Variants in DGKB observed in about 807,000 individuals in gnomAD.
The protein encoded by DGKB is diacylglycerol kinase beta, also known as 90 kDa diacylglycerol kinase.
Under a neutral mutation model 114.3 loss-of-function variants are expected in DGKB, and 67 were observed. The observed-to-expected ratio is 0.59, with a 90% CI of 0.48 to 0.72. The LOEUF (loss-of-function observed/expected upper bound fraction) is 0.72, where lower values mean the gene tolerates loss of function less well. Among genes scored for constraint, DGKB ranks in the 30% least tolerant of loss-of-function variants. The probability of loss-of-function intolerance (pLI) is 0.00; values close to 1 mark genes in which losing one functional copy is unlikely to be tolerated. For missense variants in DGKB, 907 were observed against 975.2 expected, an observed-to-expected ratio of 0.93 and a Z score of 0.93; for synonymous variants, 398 against 323.1, an observed-to-expected ratio of 1.23 and a Z score of -2.49.
chr7:14,762,375 T>A (rs1027888043), intron 2 of DGKB, among the ~76,000 whole-genome samples: 1 of 152,150 alleles, frequency 6.6e-6, no homozygotes, highest in Non-Finnish European at 1.5e-5. Flanking sequence ...CTGAGTCATG[T>A]AATAAACAAT....
chr7:14,201,198 G>T (rs185657027), intron 23 of DGKB, among the ~76,000 whole-genome samples: 473 of 152,034 alleles, frequency 3.1e-3, no homozygotes, highest in African/African-American at 0.011. Context: ...AGGATGGAAG[G>T]CTTGAGGGAT....
At chr7:14,844,352 G>C (rs1388953402) in intron 1 of DGKB, among the ~76,000 whole-genome samples, 1 of 152,204 alleles carries the variant, frequency 6.6e-6, no homozygotes, top group Non-Finnish European at 1.5e-5. Context: ...AAACTAGACA[G>C]GGGTAAGCAA....
chr7:14,193,970 G>A (rs1305692107), intron 23 of DGKB, among the ~76,000 whole-genome samples: 2 of 152,028 alleles, frequency 1.3e-5, no homozygotes, highest in Admixed American at 6.6e-5. Context: ...TAATCATAAA[G>A]GAAATGTAAA....
intron 23 of DGKB, among the ~76,000 whole-genome samples, chr7:14,281,187 C>T (rs1310769858): frequency 6.6e-6 from 1 of 151,200 alleles, no homozygotes; most frequent in Non-Finnish European, 1.5e-5. Flanking sequence ...AAATGGAGAA[C>T]AAAAACAGGC....
At chr7:14,895,528 C>A (rs1781958313) in intron 1 of DGKB, among the ~76,000 whole-genome samples, 1 of 151,584 alleles carries the variant, frequency 6.6e-6, no homozygotes, top group Non-Finnish European at 1.5e-5. Flanking sequence ...CCTTTCACAG[C>A]ACTATTACAA....
Position 14,147,904 on chromosome 7 carries a change from T to C in DGKB, c.*1227A>G, listed in dbSNP as rs1190071317. The C allele has an allele frequency of 6.6e-6, 1 of 152,132 alleles. No homozygotes were observed. Among genetic ancestry groups the C allele is most frequent in the Non-Finnish European group, 1.5e-5 (1 of 67,968 alleles). 9.4% of individuals were successfully genotyped at this position (152,132 alleles called of 1,614,324 possible). On this transcript the variant is annotated 3_prime_UTR_variant, in exon 26 of 26. Transcript: ENST00000402815. ...AGTGATCTAGGCTGTTGTTTCCAAA[T>C]AAACATTTGAAATGTCATAAAGATG...
intron 1 of DGKB, among the ~76,000 whole-genome samples, chr7:14,892,249 T>A (rs1413839880): frequency 1.3e-5 from 2 of 151,248 alleles, no homozygotes. Context: ...ATGGAGGCAA[T>A]GCCCAGTGGA....
intron 13 of DGKB, among the ~76,000 whole-genome samples, chr7:14,635,871 G>A (rs1810658131): frequency 6.6e-6 from 1 of 151,472 alleles, no homozygotes; most frequent in African/African-American, 2.4e-5. Context: ...AAAAACGAGA[G>A]CCAGTTCTAG....
intron 5 of DGKB, among the ~76,000 whole-genome samples, chr7:14,720,822 C>A (rs2128357316): frequency 2.1e-5 from 3 of 145,876 alleles, no homozygotes; most frequent in African/African-American, 7.6e-5. Context: ...CCAAAGAAGG[C>A]AGGGAATTGA....
rs369698915 is a variant in DGKB, at chr7:14,450,050, TATG to T, written c.1835+28108_1835+28110del. ...AGGCGACAGGAACTAATTTTGATTT[TATG>T]ATATTTTGGATAAATTGTTCCCTGG... On this transcript the variant is annotated intron_variant, in intron 21 of 25. Transcript: ENST00000402815. Among the ~76,000 whole-genome samples the T allele has an allele frequency of 6.4e-4, 98 of 152,226 alleles. 1 individual carries two copies. The highest frequency in any genetic ancestry group is 2.3e-3 in the African/African-American group (97 of 41,570).
At chr7:14,908,933 A>G (rs976577062) in intron 1 of DGKB, among the ~76,000 whole-genome samples, 4 of 152,184 alleles carry the variant, frequency 2.6e-5, no homozygotes, top group African/African-American at 9.7e-5. Context: ...TAAATCAGCC[A>G]TCTGTGTGGT....
Position 14,149,146 on chromosome 7 carries a change from G to A in DGKB, c.2397C>T (p.Asn799=). 1 of 1,613,362 alleles carries A rather than the reference G, an allele frequency of 6.2e-7. No individual in the cohort carries two copies. Among genetic ancestry groups the A allele is most frequent in the Non-Finnish European group, 8.5e-7 (1 of 1,179,424 alleles). The part of the protein sequence containing the change: ...LFCSLVKRTR[N]RSKE Reference sequence around the variant, plus strand: ...CAACACAGGATTATTCCTTGCTTCGGTTTCTTGTCCTTTTGACGAGGGAGC... The same window carrying A: ...CAACACAGGATTATTCCTTGCTTCGATTTCTTGTCCTTTTGACGAGGGAGC... The change falls in exon 26 of 26, where the codon AAC becomes AAT. Residue 799 remains asparagine (N), a synonymous_variant. Coordinates refer to ENST00000402815, the MANE Select transcript of DGKB (RefSeq NM_001350709.2).
intron 13 of DGKB, among the ~76,000 whole-genome samples, chr7:14,665,861 T>G (rs1817929680): frequency 6.6e-6 from 1 of 152,018 alleles, no homozygotes; most frequent in Non-Finnish European, 1.5e-5. Context: ...TGATCAGATT[T>G]GTAGCCTCCT....
At chr7:14,289,744 C>CAA (rs3067647) in intron 23 of DGKB, among the ~76,000 whole-genome samples, 1 of 126,812 alleles carries the variant, frequency 7.9e-6, no homozygotes, top group Non-Finnish European at 1.7e-5. Flanking sequence ...AGACATGGAC[C>CAA]AAAAAAAAAA....
intron 20 of DGKB, among the ~76,000 whole-genome samples, chr7:14,558,517 AT>A (rs1796190036): frequency 6.6e-6 from 1 of 152,060 alleles, no homozygotes; most frequent in African/African-American, 2.4e-5. Context: ...TATGAGATCA[AT>A]TTGCCTTTAA....
chr7:14,590,604 C>G (rs987505763), intron 17 of DGKB, among the ~76,000 whole-genome samples: 1 of 152,082 alleles, frequency 6.6e-6, no homozygotes, highest in East Asian at 1.9e-4. Context: ...CTCTTTATCT[C>G]AATTTCTTGA....
intron 20 of DGKB, among the ~76,000 whole-genome samples, chr7:14,551,262 C>A (rs747126844): frequency 6.6e-6 from 1 of 152,166 alleles, no homozygotes; most frequent in Non-Finnish European, 1.5e-5. Flanking sequence ...TGTCAGATTT[C>A]TTCCAGACTT....
At chr7:14,301,761 A>G (rs1803591109) in intron 23 of DGKB, among the ~76,000 whole-genome samples, 1 of 152,126 alleles carries the variant, frequency 6.6e-6, no homozygotes. Context: ...TGGTGTTACC[A>G]TCTGGCTAAA....
At chr7:14,809,183 TAAG>T in intron 2 of DGKB, among the ~76,000 whole-genome samples, 1 of 152,178 alleles carries the variant, frequency 6.6e-6, no homozygotes, top group East Asian at 1.9e-4. Context: ...TCCCGAAATT[TAAG>T]AATTCTAACT....
Sources: allele counts gnomAD v4.1 joint callset (sites outside exome capture counted in the v4.1 genomes callset), GRCh38; gene constraint gnomAD v4.1.1; transcripts MANE v1.5; gene names NCBI Gene and HGNC (gene_info 2026-07-23, HGNC 2026-07-21).